Variants in GPR158 observed in about 807,000 individuals in gnomAD.
GPR158 encodes metabotropic glycine receptor.
In GPR158, 30 loss-of-function variants were observed where a neutral mutation model predicts 78.2. That is an observed-to-expected ratio of 0.38 (90% confidence interval 0.29 to 0.52). The LOEUF (loss-of-function observed/expected upper bound fraction) is 0.52, where lower values mean the gene tolerates loss of function less well. Ranked by LOEUF, GPR158 falls within the 20% of genes least tolerant of loss-of-function variation. The pLI is 0.83. For synonymous variants in GPR158, 581 were observed against 591.1 expected (o/e 0.98, Z 0.25); for missense variants, 1,463 against 1,523.5 (o/e 0.96, Z 0.66).
chr10:25,261,181 C>G (rs1429286195), intron 2 of GPR158, among the ~76,000 whole-genome samples: 1 of 152,066 alleles, frequency 6.6e-6, no homozygotes, highest in African/African-American at 2.4e-5. Context: ...TTAAAGCTCC[C>G]CACAGGATTC....
At chr10:25,244,404 T>C (rs1156691540) in intron 2 of GPR158, 1 of 152,146 alleles carries the variant, frequency 6.6e-6, no homozygotes, top group Non-Finnish European at 1.5e-5. Context: ...GATTTTAAGG[T>C]AGGAGTATCA....
At chr10:25,276,215 G>A (rs1168062173) in intron 2 of GPR158, among the ~76,000 whole-genome samples, 1 of 152,144 alleles carries the variant, frequency 6.6e-6, no homozygotes, top group Admixed American at 6.5e-5. Context: ...ACACTGATCA[G>A]TGTGAATTCT....
intron 6 of GPR158, among the ~76,000 whole-genome samples, chr10:25,552,706 G>T (rs942897001): frequency 1.3e-5 from 2 of 152,138 alleles, no homozygotes; most frequent in African/African-American, 4.8e-5. Context: ...CCTGGAAGCT[G>T]CTTCCCGTCA....
intron 2 of GPR158, among the ~76,000 whole-genome samples, chr10:25,338,433 ACGTAT>A (rs1170616241): frequency 2.8e-5 from 4 of 145,130 alleles, no homozygotes; most frequent in African/African-American, 1.0e-4. Flanking sequence ...TATTATATAT[ACGTAT>A]TATATATACG....
At chr10:25,515,558 C>T (rs1225822397) in intron 5 of GPR158, among the ~76,000 whole-genome samples, 50 of 126,760 alleles carry the variant, frequency 3.9e-4, no homozygotes, top group Middle Eastern at 3.8e-3. Flanking sequence ...TGTGATATTC[C>T]CCTTCCTGTG....
intron 5 of GPR158, among the ~76,000 whole-genome samples, chr10:25,472,300 C>G (rs538412306): frequency 6.6e-6 from 1 of 151,996 alleles, no homozygotes; most frequent in African/African-American, 2.4e-5. Flanking sequence ...TCTGAGGGCT[C>G]TGTTCTGTTC....
intron 5 of GPR158, among the ~76,000 whole-genome samples, chr10:25,479,926 CTT>C (rs1835642684): frequency 6.6e-6 from 1 of 151,964 alleles, no homozygotes; most frequent in Admixed American, 6.6e-5. Flanking sequence ...TTCCTCAAGT[CTT>C]TATTCTATGA....
intron 2 of GPR158, among the ~76,000 whole-genome samples, chr10:25,364,251 C>CACCACAA: frequency 6.6e-6 from 1 of 151,910 alleles, no homozygotes; most frequent in Admixed American, 6.6e-5. Flanking sequence ...AATTCACCAG[C>CACCACAA]ATCGTCTTCT....
chr10:25,241,299 C>CT (rs1169813426), intron 2 of GPR158, among the ~76,000 whole-genome samples: 1,859 of 100,044 alleles, frequency 0.019, 139 homozygotes, highest in East Asian at 0.078. Flanking sequence ...CTTTTCTTTT[C>CT]TTTTCTTTTC....
chr10:25,221,342 G>A (rs140608553), intron 2 of GPR158, among the ~76,000 whole-genome samples, 185 bp downstream of exon 2: 62 of 152,268 alleles, frequency 4.1e-4, no homozygotes, highest in African/African-American at 1.4e-3. Context: ...CTGTTCGCTT[G>A]GGGACTGAAA....
At chr10:25,257,778 T>G (rs1853910340) in intron 2 of GPR158, among the ~76,000 whole-genome samples, 1 of 152,210 alleles carries the variant, frequency 6.6e-6, no homozygotes, top group Non-Finnish European at 1.5e-5. Context: ...GGCTATACTT[T>G]GCGAGTTACA....
chr10:25,333,699 A>T (rs1321397576), intron 2 of GPR158, among the ~76,000 whole-genome samples: 2 of 152,196 alleles, frequency 1.3e-5, no homozygotes, highest in Non-Finnish European at 2.9e-5. Flanking sequence ...CAAAATGAGA[A>T]GAGGCTAAAG....
intron 2 of GPR158, among the ~76,000 whole-genome samples, chr10:25,338,485 CGTATAAT>C (rs1855251595): frequency 8.0e-6 from 1 of 124,678 alleles, no homozygotes; most frequent in Admixed American, 7.8e-5. Context: ...GTATAATATA[CGTATAAT>C]ATACGTATAT....
chr10:25,243,531 G>T (rs1284997873), intron 2 of GPR158, among the ~76,000 whole-genome samples: 1 of 152,092 alleles, frequency 6.6e-6, no homozygotes, highest in African/African-American at 2.4e-5. Flanking sequence ...CTGTCATTCT[G>T]TACTTGACTT....
At chr10:25,328,430 TATA>T (rs2130488395) in intron 2 of GPR158, among the ~76,000 whole-genome samples, 1 of 152,226 alleles carries the variant, frequency 6.6e-6, no homozygotes, top group African/African-American at 2.4e-5. Context: ...TTAGTTCCAA[TATA>T]ATATATATGT....
chr10:25,241,334 C>T (rs12766012), intron 2 of GPR158, among the ~76,000 whole-genome samples: 34 of 118,244 alleles, frequency 2.9e-4, no homozygotes, highest in African/African-American at 9.9e-4. Flanking sequence ...CTCTTCTCTT[C>T]TCTTTTCTCT....
At chr10:25,528,881 G>T (rs1217809627) in intron 5 of GPR158, among the ~76,000 whole-genome samples, 1 of 152,156 alleles carries the variant, frequency 6.6e-6, no homozygotes, top group African/African-American at 2.4e-5. Flanking sequence ...AAAGTTACAG[G>T]ACTTAATACA....
chr10:25,501,261 C>T (rs1835943219), intron 5 of GPR158, among the ~76,000 whole-genome samples: 1 of 152,158 alleles, frequency 6.6e-6, no homozygotes, highest in South Asian at 2.1e-4. Flanking sequence ...ACTGCGCAGT[C>T]TCACTCGGGG....
At chr10:25,371,444 G>A (rs552892460) in intron 2 of GPR158, among the ~76,000 whole-genome samples, 5 of 151,744 alleles carry the variant, frequency 3.3e-5, no homozygotes, top group Non-Finnish European at 5.9e-5. Flanking sequence ...CATGCTACCT[G>A]ACTTCAAACT....
Sources: allele counts gnomAD v4.1 joint callset (sites outside exome capture counted in the v4.1 genomes callset), GRCh38; gene constraint gnomAD v4.1.1; transcripts MANE v1.5; gene names NCBI Gene and HGNC (gene_info 2026-07-23, HGNC 2026-07-21).